The following CREB3L2 variants were observed in gnomAD, a reference collection of about 807,000 sequenced individuals.
CREB3L2 encodes the protein cyclic AMP-responsive element-binding protein 3-like protein 2.
A neutral mutation model predicts 57.2 loss-of-function variants in CREB3L2; 23 were observed. The observed-to-expected ratio is 0.40, with a 90% CI of 0.29 to 0.57. The LOEUF (loss-of-function observed/expected upper bound fraction) is 0.57, where lower values mean the gene tolerates loss of function less well. Among genes scored for constraint, CREB3L2 ranks in the 20% least tolerant of loss-of-function variants. The probability of loss-of-function intolerance (pLI) is 0.42; values close to 1 mark genes in which losing one functional copy is unlikely to be tolerated. For synonymous variants in CREB3L2, 268 were observed against 265.1 expected, an observed-to-expected ratio of 1.01 and a Z score of -0.11; for missense variants, 628 against 634.7, an observed-to-expected ratio of 0.99 and a Z score of 0.11.
intron 2 of CREB3L2, among the ~76,000 whole-genome samples, chr7:137,923,828 T>C (rs988338539): frequency 6.6e-6 from 1 of 152,186 alleles, no homozygotes; most frequent in African/African-American, 2.4e-5. Context: ...ACTATATCAG[T>C]GCACACCTTC....
chr7:137,968,396 T>C (rs1475121413), intron 1 of CREB3L2, among the ~76,000 whole-genome samples: 1 of 152,072 alleles, frequency 6.6e-6, no homozygotes, highest in African/African-American at 2.4e-5. Flanking sequence ...GTATGTGATG[T>C]TCCCCTCCCT....
chr7:137,880,642 G>A lies in CREB3L2; in HGVS notation c.1488-91C>T. 3 of 1,047,206 alleles carry A rather than the reference G, an allele frequency of 2.9e-6. No individual in the cohort carries two copies. Among genetic ancestry groups the A allele is most frequent in the Non-Finnish European group, 4.4e-6 (3 of 677,502 alleles). The allele number at this position is 1,047,206 out of a possible 1,614,324, so 64.9% of individuals were successfully genotyped here. On this transcript the variant is annotated intron_variant, in intron 11 of 11. Transcript: ENST00000330387. The surrounding 1 kb of genome is among the most constrained non-coding windows in gnomAD (Gnocchi z 4.0). ...TGTAGCGTGATGCAATCATTCAGGG[G>A]TTGCAACTTGGTGAGACGGCCTGGG...
chr7:137,953,586 C>T, intron 1 of CREB3L2: 1 of 1,110,942 alleles, frequency 9.0e-7, no homozygotes, highest in Admixed American at 2.3e-5. Context: ...GAATGTGACT[C>T]TAGAGAAATC....
chr7:137,953,384 C>G (rs1434263122), intron 1 of CREB3L2: 6 of 949,168 alleles, frequency 6.3e-6, no homozygotes, highest in East Asian at 6.1e-5. Flanking sequence ...CTTCTAACTT[C>G]TCTGCACCCA....
In CREB3L2 at chr7:137,888,952, G is replaced by C. The variant is rs559943342; in HGVS notation, c.1044-3450C>G. On this transcript the variant is annotated intron_variant, in intron 8 of 11. Coordinates refer to ENST00000330387, the MANE Select transcript of CREB3L2 (RefSeq NM_194071.4). ...GATGGTACCAAAGCATGTTACTTTT[G>C]CTCCAAAGTCTTAAGCTGTTTTGAA... Among the ~76,000 whole-genome samples the C allele has an allele frequency of 4.6e-5, 7 of 152,058 alleles. No individual in the cohort carries two copies. The South Asian group carries it at 1.2e-3, about 27-fold the overall frequency.
At chr7:137,941,091 T>C (rs1306510555) in intron 1 of CREB3L2, among the ~76,000 whole-genome samples, 3 of 152,206 alleles carry the variant, frequency 2.0e-5, no homozygotes, top group Admixed American at 2.0e-4. Flanking sequence ...CCAGGGGATC[T>C]TAGCCTTTGA....
rs550928100 is a variant in CREB3L2 at position 137,961,309 on chromosome 7, T to C, written c.103-32943A>G. 4.6e-5 allele frequency among the ~76,000 whole-genome samples: 7 copies of C among 152,214 alleles called. No individual in the cohort carries two copies. The South Asian group carries it at 1.5e-3, about 32-fold the overall frequency. ...GCAGTCAAGCCAGCATATAATTAAGTGGCAGTTTGGAGGAAAGTACGTATG... is the reference window on the plus strand; with the variant it reads ...GCAGTCAAGCCAGCATATAATTAAGCGGCAGTTTGGAGGAAAGTACGTATG... On this transcript the variant is annotated intron_variant, in intron 1 of 11. Transcript: ENST00000330387.
intron 1 of CREB3L2, among the ~76,000 whole-genome samples, chr7:137,951,394 A>C (rs1801093173): frequency 6.6e-6 from 1 of 152,246 alleles, no homozygotes. Context: ...GTCTTTAAAC[A>C]GAAGCACACA....
At position 137,888,765 on chromosome 7, in the gene CREB3L2, A is replaced by G. The variant is rs192020982; in HGVS notation, c.1044-3263T>C. On this transcript the variant is annotated intron_variant, in intron 8 of 11. Coordinates refer to ENST00000330387, the MANE Select transcript of CREB3L2 (RefSeq NM_194071.4). ...TGTTCCCCTGGCCTGCTCAAGAGCT[A>G]CTTCTGTAAGTGACAGCTGCCACTT... 1.1e-4 allele frequency among the ~76,000 whole-genome samples: 17 copies of G among 152,106 alleles called. No homozygotes were observed. In the East Asian group the frequency reaches 2.7e-3, roughly 24 times the overall value.
intron 1 of CREB3L2, among the ~76,000 whole-genome samples, chr7:137,981,293 T>C (rs1260786892): frequency 6.6e-6 from 1 of 152,210 alleles, no homozygotes; most frequent in Non-Finnish European, 1.5e-5. Flanking sequence ...CAGCATTCTT[T>C]GGGGACTGGT....
chr7:137,878,926 G>C lies in CREB3L2; in HGVS notation c.*1550C>G, dbSNP rs1799219100. 4 of 402,366 alleles carry C rather than the reference G, an allele frequency of 9.9e-6. No homozygotes were observed. The highest frequency in any genetic ancestry group is 2.4e-5 in the South Asian group (1 of 40,836). 24.9% of individuals were successfully genotyped at this position (402,366 alleles called of 1,614,324 possible). A position where few individuals can be genotyped will look rare whatever the true frequency, so the allele number is the denominator to read the frequency against. ...TGACGTGTGTGGGGGTGGGTGGTGG[G>C]GGGAGAGAGAGAAGGAGAGACAGAG... On this transcript the variant is annotated 3_prime_UTR_variant, in exon 12 of 12. Coordinates refer to ENST00000330387, the MANE Select transcript of CREB3L2 (RefSeq NM_194071.4).
In CREB3L2 at chr7:137,899,100, G is replaced by A. The variant is rs1340167254; in HGVS notation, c.1043+2254C>T. On this transcript the variant is annotated intron_variant, in intron 8 of 11. Coordinates refer to ENST00000330387, the MANE Select transcript of CREB3L2 (RefSeq NM_194071.4). ...GAAAAGGAAGAAAAAGGAAAGAGAA[G>A]GAAGGAAGGAAGGAAGGAAGGAAGG... 3.8e-3 allele frequency among the ~76,000 whole-genome samples: 90 copies of A among 23,802 alleles called. No individual in the cohort carries two copies. The East Asian group carries it at 0.042, about 11-fold the overall frequency. 15.6% of individuals were successfully genotyped at this position (23,802 alleles called of 152,430 possible). A position where few individuals can be genotyped will look rare whatever the true frequency, so the allele number is the denominator to read the frequency against.
chr7:137,915,776 AATGAGGATCT>A, intron 3 of CREB3L2, 51 bp downstream of exon 3: 1 of 1,448,308 alleles, frequency 6.9e-7, no homozygotes, highest in Non-Finnish European at 9.5e-7. Context: ...CTTATTGGAG[AATGAGGATCT>A]ATCTGTATCT....
chr7:137,945,495 G>C (rs1262611122), intron 1 of CREB3L2, among the ~76,000 whole-genome samples: 1 of 152,212 alleles, frequency 6.6e-6, no homozygotes, highest in Non-Finnish European at 1.5e-5. Context: ...CTGCCCAAAA[G>C]ATAGATATTC....
At chr7:137,974,731 A>G (rs755364765) in intron 1 of CREB3L2, among the ~76,000 whole-genome samples, 1 of 152,218 alleles carries the variant, frequency 6.6e-6, no homozygotes, top group African/African-American at 2.4e-5. Context: ...TGAGTGACAG[A>G]TGGGATACAA....
rs570022910 is a variant in CREB3L2 at position 137,930,139 on chromosome 7, C to T, written c.103-1773G>A. 3.4e-4 allele frequency among the ~76,000 whole-genome samples: 52 copies of T among 152,076 alleles called. 1 individual carries two copies. The highest frequency in any genetic ancestry group is 8.8e-5 in the Non-Finnish European group (6 of 68,008). On this transcript the variant is annotated intron_variant, in intron 1 of 11. Transcript: ENST00000330387. The stretch of plus-strand genomic sequence containing the variant: ...GTCTCAATCTCCTGACCTCGTGATC[C>T]GCCCGTCTTGGCCTCCCAAAGTGCT...
At chr7:137,900,317 T>A (rs1013616722) in intron 8 of CREB3L2, among the ~76,000 whole-genome samples, 1 of 152,124 alleles carries the variant, frequency 6.6e-6, no homozygotes, top group Non-Finnish European at 1.5e-5. Context: ...CTCCTCTATA[T>A]AGTGAGGATG....
At chr7:137,914,834 CTACT>C (rs1800091673) in intron 3 of CREB3L2, among the ~76,000 whole-genome samples, 1 of 152,114 alleles carries the variant, frequency 6.6e-6, no homozygotes, top group Admixed American at 6.5e-5. Context: ...TTTAATGAGT[CTACT>C]GATTCTGTGT....
intron 1 of CREB3L2, among the ~76,000 whole-genome samples, chr7:137,941,273 G>A (rs952241330): frequency 4.6e-5 from 7 of 152,158 alleles, no homozygotes; most frequent in South Asian, 2.1e-4. Flanking sequence ...TGAATTCATC[G>A]ATACAAGTCT....
Sources: gnomAD v4.1 joint callset for allele counts (sites outside exome capture counted in the v4.1 genomes callset) on GRCh38, gnomAD v4.1.1 for gene constraint, Gnocchi (gnomAD v3.1) non-coding constraint, MANE v1.5 for transcripts, NCBI Gene and HGNC (gene_info 2026-07-23, HGNC 2026-07-21) for gene names.